Variants in ARAP3 observed in about 807,000 individuals in gnomAD.
ARAP3 encodes ArfGAP with RhoGAP domain, ankyrin repeat and PH domain 3.
In ARAP3, 82 loss-of-function variants were observed where a neutral mutation model predicts 169.2. The ratio of observed to expected loss-of-function variants is 0.48; its 90% CI spans 0.41 to 0.58. The LOEUF is 0.58. ARAP3 is among the 20% of genes least tolerant of loss of function. The pLI is 0.00. For missense variants in ARAP3, 1,764 were observed against 2,018.0 expected (o/e 0.87, Z 2.41); for synonymous variants, 791 against 800.3 (o/e 0.99, Z 0.20).
intron 17 of ARAP3, 45 bp downstream of exon 17, chr5:141,666,379 G>T (rs756761666): frequency 2.8e-6 from 4 of 1,434,406 alleles, no homozygotes; most frequent in African/African-American, 1.5e-5. Context: ...CCATGCACCC[G>T]CATGGCCACC....
At position 141,666,467 on chromosome 5, in the gene ARAP3, T is replaced by TG; in HGVS notation, c.2528dup (p.Ala844SerfsTer3). The TG allele has an allele frequency of 1.3e-6, 2 of 1,596,992 alleles. No individual in the cohort carries two copies. Among genetic ancestry groups the TG allele is most frequent in the Non-Finnish European group, 8.5e-7 (1 of 1,171,762 alleles). Reference sequence around the variant, plus strand: ...GCAGATGCACCATGTCCTCAGGGGCTGGGGGGCCTGGGCCCGGCGCTGAGC... The same window carrying TG: ...GCAGATGCACCATGTCCTCAGGGGCTGGGGGGGCCTGGGCCCGGCGCTGAGC... On this transcript the variant is annotated frameshift_variant, in exon 17 of 33. Transcript: ENST00000239440. LOFTEE classifies it high-confidence loss of function.
At chr5:141,670,154 C>T (rs1460640333) in intron 14 of ARAP3, 91 bp from the exon 15 acceptor site, 1 of 1,497,776 alleles carries the variant, frequency 6.7e-7, no homozygotes, top group Non-Finnish European at 8.9e-7. Context: ...GTGCCAAGCC[C>T]TTTGCCCATA....
rs748348300 is a variant in ARAP3, at chr5:141,671,613, C to T, written c.1811G>A (p.Arg604Gln). 1.2e-5 allele frequency: 19 copies of T among 1,613,964 alleles called. No homozygotes were observed. The highest frequency in any genetic ancestry group is 8.0e-5 in the African/African-American group (6 of 74,914). Reference sequence around the variant, plus strand: ...ATCTGGGTACTGAGGGTGGGGCTTCCGGAAGAGACCCAGACGGTACTTTCG... The same window carrying T: ...ATCTGGGTACTGAGGGTGGGGCTTCTGGAAGAGACCCAGACGGTACTTTCG... ...ISRKYRLGLF[R>Q]KPHPQYPDHS... Residue 604 changes from arginine to glutamine, a missense_variant, in exon 12 of 33, where the codon CGG becomes CAG. Arg to Gln is a conservative substitution (Grantham distance 43, BLOSUM62 1). Transcript: ENST00000239440. This position sits in a 1 kb window ranked among gnomAD's most constrained non-coding sequence, Gnocchi z 4.9.
Position 141,656,114 on chromosome 5 carries a change from A to C in ARAP3, c.3873-15T>G, listed in dbSNP as rs770469996. The stretch of plus-strand genomic sequence containing the variant: ...TGAAGCCCCACCTGGGAGACAAAGA[A>C]CAGTGATGGGGCAGTCAGAAAGGGC... On this transcript the variant is annotated splice_polypyrimidine_tract_variant and intron_variant, in intron 28 of 32. Coordinates refer to ENST00000239440, the MANE Select transcript of ARAP3 (RefSeq NM_022481.6). 3.1e-6 allele frequency: 5 copies of C among 1,614,012 alleles called. No homozygotes were observed. The South Asian group carries it at 3.3e-5, about 11-fold the overall frequency.
chr5:141,674,933 T>C (rs1330062970), intron 4 of ARAP3, among the ~76,000 whole-genome samples: 1 of 152,236 alleles, frequency 6.6e-6, no homozygotes, highest in Non-Finnish European at 1.5e-5. Context: ...CAAATGCAGA[T>C]GAGACCATTT....
intron 1 of ARAP3, among the ~76,000 whole-genome samples, chr5:141,681,379 C>G (rs2099912949): frequency 6.6e-6 from 1 of 152,194 alleles, no homozygotes; most frequent in Non-Finnish European, 1.5e-5. Flanking sequence ...CCTCTGCTTT[C>G]TCCAAGCCTT....
At chr5:141,667,499 T>C (rs2099910822) in intron 16 of ARAP3, among the ~76,000 whole-genome samples, 1 of 150,780 alleles carries the variant, frequency 6.6e-6, no homozygotes, top group African/African-American at 2.4e-5. Context: ...AGTGGCATGA[T>C]CTCGGCTCAC....
rs1234828597 is a variant in ARAP3, at chr5:141,680,469, G to A, written c.18C>T (p.Asp6=). Residue 6 remains aspartate, a synonymous_variant, in exon 2 of 33, where the codon GAC becomes GAT. Coordinates refer to ENST00000239440, the MANE Select transcript of ARAP3 (RefSeq NM_022481.6). ...TGGCCAGCCACACAGCGATGTCCAG[G>A]TCCTGAGGGGCAGCCATGGGGGCTC... MAAPQ[D]LDIAVWLATV... 5.0e-6 allele frequency: 8 copies of A among 1,599,348 alleles called. No individual in the cohort carries two copies. The South Asian group carries it at 8.8e-5, about 18-fold the overall frequency.
Position 141,669,903 on chromosome 5 carries a change from G to GT in ARAP3, c.2249+18dup. ...GAAGAGAAAAGGGGGAAGCTCAGTG[G>GT]TCACAGAAGGGCTATTACCTGTCAC... On this transcript the variant is annotated intron_variant, in intron 15 of 32. Coordinates refer to ENST00000239440, the MANE Select transcript of ARAP3 (RefSeq NM_022481.6). The GT allele has an allele frequency of 6.2e-7, 1 of 1,607,892 alleles. No homozygotes were observed. Among genetic ancestry groups the GT allele is most frequent in the Non-Finnish European group, 8.5e-7 (1 of 1,175,714 alleles).
chr5:141,656,081 T>C lies in ARAP3; in HGVS notation c.3891A>G (p.Ile1297Met). Residue 1297 changes from isoleucine to methionine, a missense_variant, in exon 29 of 33, where the codon ATA (isoleucine) becomes ATG (methionine). Coordinates refer to ENST00000239440, the MANE Select transcript of ARAP3 (RefSeq NM_022481.6). ...KPPTPWGFTL[I>M]LEKMHLYLSC... ...GTACTCACAGGTGCATCTTCTCTAG[T>C]ATCAATGTGAAGCCCCACCTGGGAG... is the stretch of plus-strand genomic sequence containing the variant. 2 of 1,613,982 alleles carry C rather than the reference T, an allele frequency of 1.2e-6. No individual in the cohort carries two copies. The highest frequency in any genetic ancestry group is 1.7e-6 in the Non-Finnish European group (2 of 1,180,020).
rs1192021216 is a variant in ARAP3 at position 141,655,213 on chromosome 5, A to ACACC, written c.4149+148_4149+149insGGTG. On this transcript the variant is annotated intron_variant, in intron 32 of 32. Coordinates refer to ENST00000239440, the MANE Select transcript of ARAP3 (RefSeq NM_022481.6). ...CACACACACACACACACACACACAC[A>ACACC]CCCTGATGGCCTACACACACACACA... is the stretch of plus-strand genomic sequence containing the variant. 51 of 593,480 alleles carry ACACC rather than the reference A, an allele frequency of 8.6e-5. No homozygotes were observed. In the African/African-American group the frequency reaches 1.2e-3, roughly 15 times the overall value. 36.8% of individuals were successfully genotyped at this position (593,480 alleles called of 1,614,324 possible).
In ARAP3 at chr5:141,671,231, T is replaced by C. The variant is rs949889277; in HGVS notation, c.1990+34A>G. Reference sequence around the variant, plus strand: ...ATCATAGGTTGGGTCTGAGAATTCCTGTAGGGGAGAGAGGAGGCACTTGGG... The same window carrying C: ...ATCATAGGTTGGGTCTGAGAATTCCCGTAGGGGAGAGAGGAGGCACTTGGG... On this transcript the variant is annotated intron_variant, in intron 13 of 32. Transcript: ENST00000239440. The surrounding 1 kb of genome is among the most constrained non-coding windows in gnomAD (Gnocchi z 4.9). The C allele has an allele frequency of 7.0e-6, 11 of 1,562,914 alleles. No homozygotes were observed. Among genetic ancestry groups the C allele is most frequent in the African/African-American group, 5.5e-5 (4 of 73,064 alleles).
At chr5:141,654,779 G>T (rs2099908989) in intron 32 of ARAP3, among the ~76,000 whole-genome samples, 1 of 141,756 alleles carries the variant, frequency 7.1e-6, no homozygotes, top group Non-Finnish European at 1.5e-5. Flanking sequence ...TACTCTTGTT[G>T]CCTAGGCTGG....
At chr5:141,665,229 C>A in intron 18 of ARAP3, 82 bp downstream of exon 18, 1 of 1,576,854 alleles carries the variant, frequency 6.3e-7, no homozygotes, top group East Asian at 2.2e-5. Flanking sequence ...AGGAAGTGGG[C>A]AATGGCCCAG....
chr5:141,663,630 T>A (rs2099910263), intron 19 of ARAP3, among the ~76,000 whole-genome samples: 1 of 152,182 alleles, frequency 6.6e-6, no homozygotes, highest in South Asian at 2.1e-4. Context: ...GCCTCTGACT[T>A]ATTTCCTCCT....
chr5:141,672,212 G>A lies in ARAP3; in HGVS notation c.1475C>T (p.Ala492Val). The part of the protein sequence containing the change: ...VTETLSDYEV[A>V]EKIWSNRANR... ...GGCCCGATTAGACCAGATCTTCTCA[G>A]CCACCTCGTAGTCAGACAGGGTCTC... is the stretch of plus-strand genomic sequence containing the variant. Residue 492 changes from alanine to valine, a missense_variant, in exon 10 of 33, where the codon GCT becomes GTT. Physicochemically the swap from Ala to Val is moderately conservative, Grantham distance 64. Coordinates refer to ENST00000239440, the MANE Select transcript of ARAP3 (RefSeq NM_022481.6). The surrounding 1 kb of genome is among the most constrained non-coding windows in gnomAD (Gnocchi z 4.9). The A allele has an allele frequency of 6.2e-7, 1 of 1,614,206 alleles. No individual in the cohort carries two copies. The highest frequency in any genetic ancestry group is 8.5e-7 in the Non-Finnish European group (1 of 1,180,038).
chr5:141,673,352 G>A (rs573459535), intron 6 of ARAP3, 49 bp downstream of exon 6: 4 of 1,609,566 alleles, frequency 2.5e-6, no homozygotes, highest in East Asian at 4.5e-5. Flanking sequence ...GCCCCTCTCA[G>A]CCCTCCCTCT....
chr5:141,669,782 G>C lies in ARAP3; in HGVS notation c.2279C>G (p.Ala760Gly), dbSNP rs540562408. ...GCCAAAATGCTGGATCCTCCCCCCAGCGAGGATGAGCTCAAAGGAAAAGGG... is the reference window on the plus strand; with the variant it reads ...GCCAAAATGCTGGATCCTCCCCCCACCGAGGATGAGCTCAAAGGAAAAGGG... ...RFPFSFELIL[A>G]GGRIQHFGTD... The change falls in exon 16 of 33, where the codon GCT becomes GGT. Residue 760 changes from alanine to glycine, a missense_variant. This residue lies in a region of ARAP3 where 1,112 missense variants were observed against 1,285.7 expected (regional missense o/e 0.86). Coordinates refer to ENST00000239440, the MANE Select transcript of ARAP3 (RefSeq NM_022481.6). 2.5e-6 allele frequency: 4 copies of C among 1,614,162 alleles called. No homozygotes were observed. In the African/African-American group the frequency reaches 5.3e-5, roughly 22 times the overall value.
chr5:141,655,182 TAC>T (rs3075597), intron 32 of ARAP3, among the ~76,000 whole-genome samples, 178 bp downstream of exon 32: 34,885 of 95,370 alleles, frequency 0.37, 7,226 homozygotes, highest in Middle Eastern at 0.58. Flanking sequence ...CCTGATGGCC[TAC>T]ACACACACAC....
Sources: gnomAD v4.1 joint callset for allele counts (sites outside exome capture counted in the v4.1 genomes callset) on GRCh38, gnomAD v4.1.1 for gene constraint, gnomAD v4.1.1 regional missense constraint, Gnocchi (gnomAD v3.1) non-coding constraint, MANE v1.5 for transcripts, NCBI Gene and HGNC (gene_info 2026-07-23, HGNC 2026-07-21) for gene names.